ARL17B: variants seen among roughly 807,000 people sequenced by gnomAD.
ARL17B encodes the protein ADP-ribosylation factor-like protein 17.
rs576392702 is a variant in ARL17B, at chr17:46,308,197, A to T, written c.260-8532T>A. ...ACTGTACTAAGTGCTGGGGCTACAA[A>T]ATCCATCTCAAAGACACACCAAGAT... On this transcript the variant is annotated intron_variant, in intron 3 of 4. Coordinates refer to the ARL17B transcript ENST00000434041. Among the ~76,000 whole-genome samples the T allele has an allele frequency of 3.4e-3, 116 of 34,296 alleles. 26 individuals carry two copies. Among genetic ancestry groups the T allele is most frequent in the Non-Finnish European group, 9.0e-3 (97 of 10,722 alleles). The allele number at this position is 34,296 out of a possible 152,430, so 22.5% of individuals were successfully genotyped here. A position where few individuals can be genotyped will look rare whatever the true frequency, so the allele number is the denominator to read the frequency against.
intron 4 of ARL17B, among the ~76,000 whole-genome samples, chr17:46,287,451 A>C (rs2049949771): frequency 6.6e-6 from 1 of 152,282 alleles, no homozygotes; most frequent in Non-Finnish European, 1.5e-5. Context: ...ACCAAGTAGA[A>C]GTTACACTAC....
intron 3 of ARL17B, among the ~76,000 whole-genome samples, chr17:46,350,861 G>GA (rs1158051603): frequency 1.7e-4 from 8 of 46,166 alleles, no homozygotes; most frequent in Admixed American, 4.5e-4. Flanking sequence ...AAAAAAAAAG[G>GA]AAAAAAAAAG....
intron 3 of ARL17B, among the ~76,000 whole-genome samples, chr17:46,341,310 C>T (rs1331142680): frequency 2.2e-4 from 2 of 9,268 alleles, no homozygotes; most frequent in African/African-American, 1.2e-3. Context: ...GAGGGCCACC[C>T]CCATTCGAGA....
chr17:46,341,162 G>T (rs2684691), intron 3 of ARL17B, among the ~76,000 whole-genome samples: 2 of 40,332 alleles, frequency 5.0e-5, no homozygotes, highest in Admixed American at 4.9e-4. Context: ...GGAGAGGCCC[G>T]GCGCCTGGGG....
At chr17:46,317,126 G>C (rs1296407755) in intron 3 of ARL17B, among the ~76,000 whole-genome samples, 3 of 88,518 alleles carry the variant, frequency 3.4e-5, no homozygotes, top group African/African-American at 9.0e-5. Context: ...GAGCTGTTGG[G>C]TACACCTCCC....
intron 3 of ARL17B, among the ~76,000 whole-genome samples, chr17:46,324,445 TC>T (rs1441112720): frequency 1.2e-5 from 1 of 80,210 alleles, no homozygotes; most frequent in African/African-American, 3.3e-5. Flanking sequence ...CTATGTCTTC[TC>T]CCAGAAATGA....
chr17:46,282,227 C>G (rs1164211566), intron 4 of ARL17B, among the ~76,000 whole-genome samples: 1 of 152,036 alleles, frequency 6.6e-6, no homozygotes, highest in Non-Finnish European at 1.5e-5. Context: ...CTCAGCCTCC[C>G]GAGTAGCTGG....
chr17:46,277,644 T>C (rs879735089), intron 4 of ARL17B, among the ~76,000 whole-genome samples: 14,652 of 144,398 alleles, frequency 0.1, 1 homozygote, highest in Non-Finnish European at 0.16. Context: ...TTCTTTTCTT[T>C]CTTTCTTTCT....
At chr17:46,333,107 T>C (rs1196707003), downstream of ARL17B, among the ~76,000 whole-genome samples, 18 of 122,344 alleles carry the variant, frequency 1.5e-4, no homozygotes, top group African/African-American at 2.8e-5. Flanking sequence ...TGTAGACTTA[T>C]TAGATTTACA....
intron 3 of ARL17B, among the ~76,000 whole-genome samples, chr17:46,325,643 G>A (rs2051693316): frequency 1.2e-5 from 1 of 81,108 alleles, no homozygotes; most frequent in African/African-American, 3.1e-5. Context: ...TGTGTATACG[G>A]ACCGCATAGT....
At chr17:46,280,503 T>C (rs111604810) in intron 4 of ARL17B, among the ~76,000 whole-genome samples, 16,590 of 149,106 alleles carry the variant, frequency 0.11, no homozygotes, top group Non-Finnish European at 0.17. Context: ...AGCAAGACCC[T>C]GTCCCTAATT....
intron 4 of ARL17B, among the ~76,000 whole-genome samples, chr17:46,278,999 T>C (rs547944354): frequency 2.0e-5 from 3 of 152,146 alleles, no homozygotes; most frequent in Non-Finnish European, 4.4e-5. Flanking sequence ...GCTTTCACCA[T>C]GTTGGTCAGG....
chr17:46,274,563 T>C (rs2732705), downstream of ARL17B, among the ~76,000 whole-genome samples: 1 of 152,036 alleles, frequency 6.6e-6, no homozygotes, highest in Non-Finnish European at 1.5e-5. Flanking sequence ...TGATAAGATA[T>C]GGATGGATTA....
chr17:46,289,496 C>G (rs1351157372), intron 4 of ARL17B, among the ~76,000 whole-genome samples: 2 of 152,162 alleles, frequency 1.3e-5, no homozygotes, highest in Non-Finnish European at 2.9e-5. Context: ...TAAAATCTGA[C>G]TTAAAATTTT....
intron 4 of ARL17B, among the ~76,000 whole-genome samples, chr17:46,288,535 C>T (rs1381184662): frequency 2.6e-5 from 4 of 151,906 alleles, no homozygotes; most frequent in African/African-American, 9.7e-5. Context: ...TGACTTCAGG[C>T]GATCCACCTG....
At chr17:46,286,616 A>G (rs1287253205) in intron 4 of ARL17B, among the ~76,000 whole-genome samples, 1 of 152,260 alleles carries the variant, frequency 6.6e-6, no homozygotes, top group Non-Finnish European at 1.5e-5. Context: ...CTATGAAGCA[A>G]GATAAATTTT....
At chr17:46,278,407 T>G (rs528577385) in intron 4 of ARL17B, among the ~76,000 whole-genome samples, 4,058 of 149,978 alleles carry the variant, frequency 0.027, 207 homozygotes, top group African/African-American at 0.096. Context: ...TTTTGTTTTT[T>G]TTTTGTTGTT....
chr17:46,330,980 C>T (rs2051903070), downstream of ARL17B: 2 of 724,648 alleles, frequency 2.8e-6, 1 homozygote, highest in African/African-American at 3.7e-5. Flanking sequence ...CTACACCAAG[C>T]CTTCGTTCAC....
chr17:46,349,036 GAA>G (rs2052669339), intron 3 of ARL17B, among the ~76,000 whole-genome samples: 1 of 110,722 alleles, frequency 9.0e-6, no homozygotes, highest in Non-Finnish European at 1.7e-5. Flanking sequence ...ACGATTAGGT[GAA>G]AAGTTGATGG....
Sources: gnomAD v4.1 joint callset for allele counts (sites outside exome capture counted in the v4.1 genomes callset) on GRCh38, gnomAD v4.1.1 for gene constraint, MANE v1.5 for transcripts, NCBI Gene and HGNC (gene_info 2026-07-23, HGNC 2026-07-21) for gene names.